The following BRD10 variants were observed in gnomAD, a reference collection of about 807,000 sequenced individuals.
BRD10 encodes bromodomain containing 10.
the BRD10 span, chr9:5,920,927 C>G: frequency 1.2e-6 from 2 of 1,613,818 alleles, no homozygotes; most frequent in African/African-American, 2.7e-5. Context: ...AGGCATAATT[C>G]TTGAAGAGGT....
the BRD10 span, among the ~76,000 whole-genome samples, chr9:5,927,358 C>T: frequency 6.6e-6 from 1 of 152,164 alleles, no homozygotes; most frequent in African/African-American, 2.4e-5. Flanking sequence ...CTTCCTTTAC[C>T]TGAATCCATT....
chr9:6,002,440 A>T, the BRD10 span, among the ~76,000 whole-genome samples: 1 of 146,824 alleles, frequency 6.8e-6, no homozygotes, highest in Non-Finnish European at 1.5e-5. Context: ...AGATTTATAT[A>T]AAAAAAAAAG....
the BRD10 span, among the ~76,000 whole-genome samples, chr9:5,905,898 C>T: frequency 6.6e-6 from 1 of 152,340 alleles, no homozygotes; most frequent in East Asian, 1.9e-4. Context: ...ACAGAATAAA[C>T]CTCTTTAAAA....
chr9:5,920,200 T>G, the BRD10 span: 7 of 1,613,822 alleles, frequency 4.3e-6, no homozygotes, highest in East Asian at 1.3e-4. Flanking sequence ...TTGGTGTAGA[T>G]TGAATGCCTT....
At chr9:5,992,216 G>A in the BRD10 span, among the ~76,000 whole-genome samples, 129 of 152,276 alleles carry the variant, frequency 8.5e-4, no homozygotes, top group African/African-American at 3.1e-3. Context: ...CAGGAGGATA[G>A]GAACTTTGTT....
the BRD10 span, among the ~76,000 whole-genome samples, chr9:5,904,995 A>G: frequency 6.6e-6 from 1 of 151,444 alleles, no homozygotes; most frequent in Non-Finnish European, 1.5e-5. Flanking sequence ...GGATGGTCTC[A>G]ATCTCCTGAC....
At chr9:5,956,750 T>A in the BRD10 span, among the ~76,000 whole-genome samples, 1 of 152,190 alleles carries the variant, frequency 6.6e-6, no homozygotes, top group African/African-American at 2.4e-5. Flanking sequence ...AAACTACCAC[T>A]CTACTTTGTA....
chr9:5,943,775 C>T, the BRD10 span, among the ~76,000 whole-genome samples: 91 of 152,192 alleles, frequency 6.0e-4, 1 homozygote, highest in East Asian at 0.013. Context: ...AATTATTGAA[C>T]ATAATGTTTT....
the BRD10 span, chr9:5,907,020 G>T: frequency 6.7e-7 from 1 of 1,487,676 alleles, no homozygotes; most frequent in South Asian, 1.3e-5. Flanking sequence ...TCCTTCATAA[G>T]GGTATTTTCA....
At chr9:5,886,077 G>A in the BRD10 span, among the ~76,000 whole-genome samples, 1 of 152,210 alleles carries the variant, frequency 6.6e-6, no homozygotes, top group Non-Finnish European at 1.5e-5. Flanking sequence ...CCGAGCAGCC[G>A]GCTATCAACC....
At chr9:6,007,734 C>T in the BRD10 span, 3 of 1,599,158 alleles carry the variant, frequency 1.9e-6, no homozygotes, top group African/African-American at 2.7e-5. Context: ...CCGGTGGCGG[C>T]CGCTCTTCCT....
chr9:5,948,271 G>T, the BRD10 span, among the ~76,000 whole-genome samples: 2 of 152,060 alleles, frequency 1.3e-5, no homozygotes, highest in Non-Finnish European at 2.9e-5. Flanking sequence ...CACTGCTAGA[G>T]GAAACCACAG....
At chr9:5,947,782 TATG>T in the BRD10 span, among the ~76,000 whole-genome samples, 1 of 152,238 alleles carries the variant, frequency 6.6e-6, no homozygotes, top group African/African-American at 2.4e-5. Flanking sequence ...CTCAACTTCA[TATG>T]ATGTTTTTAA....
chr9:6,003,470 C>T, the BRD10 span, among the ~76,000 whole-genome samples: 1 of 152,172 alleles, frequency 6.6e-6, no homozygotes, highest in African/African-American at 2.4e-5. Context: ...CTATTTCTCA[C>T]AGTTGCCTCA....
At chr9:5,974,353 G>C in the BRD10 span, among the ~76,000 whole-genome samples, 2 of 152,142 alleles carry the variant, frequency 1.3e-5, no homozygotes, top group African/African-American at 4.8e-5. Flanking sequence ...TCCATGTAGT[G>C]TCTTCTGCTT....
the BRD10 span, chr9:5,891,420 C>G: frequency 6.6e-6 from 1 of 152,130 alleles, no homozygotes; most frequent in Non-Finnish European, 1.5e-5. Flanking sequence ...ACTTTCATTT[C>G]TTTTTTACAA....
At chr9:5,954,179 G>T in the BRD10 span, 1 of 733,356 alleles carries the variant, frequency 1.4e-6, no homozygotes, top group Admixed American at 2.6e-5. Flanking sequence ...ATCCTTGAAA[G>T]TTAAATTGTA....
the BRD10 span, chr9:5,920,068 T>C: frequency 2.5e-6 from 4 of 1,613,956 alleles, no homozygotes; most frequent in South Asian, 1.1e-5. Context: ...GTACTGTGGG[T>C]ATAGAACTTG....
At chr9:5,983,403 G>A in the BRD10 span, among the ~76,000 whole-genome samples, 7 of 152,194 alleles carry the variant, frequency 4.6e-5, no homozygotes, top group African/African-American at 1.2e-4. Flanking sequence ...ACAAAGCAAT[G>A]TTCACAATGT....
Sources: gnomAD v4.1 joint callset for allele counts (sites outside exome capture counted in the v4.1 genomes callset) on GRCh38, gnomAD v4.1.1 for gene constraint, MANE v1.5 for transcripts, NCBI Gene and HGNC (gene_info 2026-07-23, HGNC 2026-07-21) for gene names.